The following BRD10 variants were observed in gnomAD, a reference collection of about 807,000 sequenced individuals.
BRD10 encodes the protein bromodomain containing 10.
the BRD10 span, among the ~76,000 whole-genome samples, chr9:5,997,894 C>T: frequency 3.9e-5 from 6 of 152,150 alleles, no homozygotes; most frequent in African/African-American, 1.2e-4. Flanking sequence ...TAAGCACACA[C>T]AATACATAAT....
the BRD10 span, chr9:5,919,631 T>A: frequency 1.3e-6 from 2 of 1,487,748 alleles, no homozygotes; most frequent in Non-Finnish European, 1.8e-6. Context: ...AAAATTTTTA[T>A]GGGAGTCAAA....
the BRD10 span, among the ~76,000 whole-genome samples, chr9:5,934,215 T>C: frequency 6.6e-6 from 1 of 151,966 alleles, no homozygotes; most frequent in Non-Finnish European, 1.5e-5. Flanking sequence ...GAATGCTTTT[T>C]TCCTATATGC....
At chr9:5,887,953 C>G in the BRD10 span, among the ~76,000 whole-genome samples, 1 of 152,312 alleles carries the variant, frequency 6.6e-6, no homozygotes, top group South Asian at 2.1e-4. Context: ...TTCTTTCTCC[C>G]TTACCATTTT....
the BRD10 span, chr9:5,944,881 C>T: frequency 1.3e-6 from 2 of 1,519,886 alleles, no homozygotes; most frequent in Admixed American, 2.1e-5. Context: ...CGATTTTTTT[C>T]TACTGTTTTC....
the BRD10 span, among the ~76,000 whole-genome samples, chr9:5,903,318 A>G: frequency 1.3e-5 from 2 of 152,332 alleles, no homozygotes; most frequent in South Asian, 4.1e-4. Flanking sequence ...AGTAGCCTAC[A>G]GATGTCTATT....
At chr9:5,956,939 T>A in the BRD10 span, among the ~76,000 whole-genome samples, 1 of 152,126 alleles carries the variant, frequency 6.6e-6, no homozygotes, top group Non-Finnish European at 1.5e-5. Flanking sequence ...ATCCTACTTT[T>A]TTCAGAAATG....
At chr9:5,987,907 A>C in the BRD10 span, among the ~76,000 whole-genome samples, 1 of 152,286 alleles carries the variant, frequency 6.6e-6, no homozygotes, top group East Asian at 1.9e-4. Context: ...CTTTTTCCTG[A>C]TCAGCCCAGA....
chr9:5,951,078 C>CACA, the BRD10 span, among the ~76,000 whole-genome samples: 3 of 136,208 alleles, frequency 2.2e-5, no homozygotes, highest in Non-Finnish European at 3.2e-5. Flanking sequence ...ACACACACAC[C>CACA]CCCACCCCAC....
At chr9:5,974,130 TA>T in the BRD10 span, among the ~76,000 whole-genome samples, 25 of 151,920 alleles carry the variant, frequency 1.6e-4, no homozygotes, top group South Asian at 2.1e-4. Context: ...AAAAAAATCT[TA>T]AAAGATGCAG....
chr9:5,899,790 A>G, the BRD10 span, among the ~76,000 whole-genome samples: 1 of 152,180 alleles, frequency 6.6e-6, no homozygotes, highest in Non-Finnish European at 1.5e-5. Context: ...TCATCTTCAT[A>G]TCTCCAGTGC....
At chr9:5,967,505 T>A in the BRD10 span, among the ~76,000 whole-genome samples, 2 of 152,090 alleles carry the variant, frequency 1.3e-5, no homozygotes, top group African/African-American at 2.4e-5. Flanking sequence ...ATATTCCACA[T>A]ATTTTCTTGA....
At chr9:5,930,604 C>A in the BRD10 span, among the ~76,000 whole-genome samples, 1 of 151,838 alleles carries the variant, frequency 6.6e-6, no homozygotes, top group Non-Finnish European at 1.5e-5. Flanking sequence ...TGCATGTGCA[C>A]GTAATGAATA....
chr9:5,953,701 C>T, the BRD10 span, among the ~76,000 whole-genome samples: 2 of 151,400 alleles, frequency 1.3e-5, no homozygotes, highest in Non-Finnish European at 1.5e-5. Context: ...TATACATACA[C>T]ACACACACAC....
At chr9:5,913,366 A>G in the BRD10 span, among the ~76,000 whole-genome samples, 1 of 152,254 alleles carries the variant, frequency 6.6e-6, no homozygotes, top group African/African-American at 2.4e-5. Context: ...CAACAGTTAC[A>G]TGATGATGCA....
the BRD10 span, among the ~76,000 whole-genome samples, chr9:5,889,809 T>C: frequency 6.6e-6 from 1 of 152,032 alleles, no homozygotes; most frequent in Non-Finnish European, 1.5e-5. Flanking sequence ...TGTTTGAGCC[T>C]AGTTATAATG....
At chr9:6,001,078 T>C in the BRD10 span, among the ~76,000 whole-genome samples, 3 of 152,298 alleles carry the variant, frequency 2.0e-5, no homozygotes, top group East Asian at 3.9e-4. Context: ...TGGGCTCAAA[T>C]GCTTCTATTC....
chr9:5,951,664 A>G, the BRD10 span, among the ~76,000 whole-genome samples: 1 of 152,230 alleles, frequency 6.6e-6, no homozygotes, highest in East Asian at 1.9e-4. Context: ...ACTTTATTAT[A>G]TAATAGTCTT....
At chr9:5,998,075 G>A in the BRD10 span, among the ~76,000 whole-genome samples, 1 of 152,040 alleles carries the variant, frequency 6.6e-6, no homozygotes, top group African/African-American at 2.4e-5. Context: ...TTGGTGGATG[G>A]TCAAATCTCT....
At chr9:5,892,324 G>A in the BRD10 span, 7 of 525,732 alleles carry the variant, frequency 1.3e-5, no homozygotes, top group Non-Finnish European at 1.9e-5. Flanking sequence ...CCCTCACAGA[G>A]AGAAACCAAA....
Sources: allele counts gnomAD v4.1 joint callset (sites outside exome capture counted in the v4.1 genomes callset), GRCh38; gene constraint gnomAD v4.1.1; transcripts MANE v1.5; gene names NCBI Gene and HGNC (gene_info 2026-07-23, HGNC 2026-07-21).